Variants in CUBN observed in about 807,000 individuals in gnomAD.
CUBN encodes the protein cubilin.
In CUBN, 282 loss-of-function variants were observed where a neutral mutation model predicts 405.3. That is an observed-to-expected ratio of 0.70 (90% confidence interval 0.63 to 0.77). The LOEUF (loss-of-function observed/expected upper bound fraction) is 0.77. CUBN is among the 30% of genes least tolerant of loss of function. The pLI, the probability that CUBN is intolerant of heterozygous loss-of-function variation, is 0.00. For synonymous variants in CUBN, 1,684 were observed against 1,617.0 expected, an observed-to-expected ratio of 1.04 and a Z score of -0.99; for missense variants, 4,514 against 4,475.2, an observed-to-expected ratio of 1.01 and a Z score of -0.25.
intron 29 of CUBN, among the ~76,000 whole-genome samples, chr10:16,989,578 A>AATAT (rs201347937): frequency 6.2e-5 from 8 of 128,120 alleles, no homozygotes; most frequent in South Asian, 2.3e-4. Context: ...ATATATTTAA[A>AATAT]ATATATATAT....
chr10:17,052,268 T>C (rs539751580), intron 22 of CUBN, among the ~76,000 whole-genome samples: 2 of 152,312 alleles, frequency 1.3e-5, no homozygotes, highest in African/African-American at 4.8e-5. Flanking sequence ...GGAAGACTTG[T>C]ACTGTATGAA....
At chr10:17,069,914 T>C (rs1835700605) in intron 19 of CUBN, among the ~76,000 whole-genome samples, 1 of 152,310 alleles carries the variant, frequency 6.6e-6, no homozygotes, top group African/African-American at 2.4e-5. Flanking sequence ...TTTCTTTTTT[T>C]GTTTGTACTT....
intron 36 of CUBN, among the ~76,000 whole-genome samples, chr10:16,945,020 CTTG>C (rs1303306396): frequency 6.6e-6 from 1 of 152,126 alleles, no homozygotes; most frequent in East Asian, 1.9e-4. Context: ...TTTATAGAAA[CTTG>C]TTATTATTAT....
chr10:16,901,439 C>G lies in CUBN; in HGVS notation c.8083G>C (p.Gly2695Arg). 6.2e-7 allele frequency: 1 copy of G among 1,614,086 alleles called. No homozygotes were observed. ...SFTDCGGIQIGDSGVITSPNY... is the reference protein window; with the variant it reads ...SFTDCGGIQIRDSGVITSPNY... ...GGGCTTGTGATCACTCCACTGTCAC[C>G]TATCTGTATTCCGCCACAATCTGAA... Residue 2695 changes from glycine (G) to arginine (R), a missense_variant, in exon 52 of 67, where the codon GGT (glycine) becomes CGT (arginine). By Grantham distance (125) the Gly-to-Arg change is moderately radical. Coordinates refer to ENST00000377833, the MANE Select transcript of CUBN (RefSeq NM_001081.4).
At chr10:16,981,481 C>T (rs554470030) in intron 31 of CUBN, among the ~76,000 whole-genome samples, 133 of 152,312 alleles carry the variant, frequency 8.7e-4, no homozygotes, top group African/African-American at 3.2e-3. Flanking sequence ...CACCCTGACC[C>T]TCCACTGAGC....
At chr10:16,861,163 G>GT (rs1216747472) in intron 59 of CUBN, among the ~76,000 whole-genome samples, 402 of 149,728 alleles carry the variant, frequency 2.7e-3, no homozygotes, top group African/African-American at 9.7e-3. Context: ...CCCAATGAAT[G>GT]CCTTTTTTTT....
chr10:16,921,994 G>A (rs1027734602), intron 43 of CUBN, among the ~76,000 whole-genome samples: 8 of 152,102 alleles, frequency 5.3e-5, no homozygotes, highest in African/African-American at 1.9e-4. Flanking sequence ...GACAGCATCA[G>A]CCCCTCTTCC....
At chr10:16,861,627 G>C (rs1840016257) in intron 59 of CUBN, among the ~76,000 whole-genome samples, 2 of 152,002 alleles carry the variant, frequency 1.3e-5, no homozygotes, top group South Asian at 4.1e-4. Context: ...ACTCAGAGTG[G>C]ATAAGTAAAT....
At chr10:17,112,144 A>G (rs1180113760) in intron 8 of CUBN, among the ~76,000 whole-genome samples, 1 of 152,196 alleles carries the variant, frequency 6.6e-6, no homozygotes, top group African/African-American at 2.4e-5. Context: ...TCAAATTATT[A>G]AAATTATAAG....
intron 29 of CUBN, 119 bp downstream of exon 29, chr10:16,990,215 T>C (rs377170747): frequency 2.2e-5 from 22 of 991,722 alleles, no homozygotes; most frequent in African/African-American, 7.9e-5. Flanking sequence ...TGATGCTCAT[T>C]AAAATGTCTA....
At chr10:17,101,832 G>A (rs951069954) in intron 13 of CUBN, among the ~76,000 whole-genome samples, 12 of 152,078 alleles carry the variant, frequency 7.9e-5, no homozygotes, top group African/African-American at 2.7e-4. Context: ...ATGGCACTAG[G>A]CTCTGTTTCC....
chr10:16,842,277 G>T (rs1234531326), intron 60 of CUBN, among the ~76,000 whole-genome samples: 2 of 151,980 alleles, frequency 1.3e-5, no homozygotes, highest in African/African-American at 4.8e-5. Flanking sequence ...TATTTCATTG[G>T]CTTTCTCTCT....
chr10:16,917,183 A>T (rs1373206723), intron 45 of CUBN, among the ~76,000 whole-genome samples: 1 of 152,096 alleles, frequency 6.6e-6, no homozygotes, highest in East Asian at 1.9e-4. Flanking sequence ...TAATTATTTT[A>T]TATTTGATGA....
intron 63 of CUBN, among the ~76,000 whole-genome samples, chr10:16,835,588 T>C (rs1007060366): frequency 6.6e-6 from 1 of 150,870 alleles, no homozygotes; most frequent in Admixed American, 6.6e-5. Flanking sequence ...ATTGTTGAGT[T>C]ATTTGTGGCA....
At chr10:16,874,876 C>T (rs1162956910) in intron 57 of CUBN, among the ~76,000 whole-genome samples, 3 of 152,008 alleles carry the variant, frequency 2.0e-5, no homozygotes, top group Admixed American at 6.6e-5. Flanking sequence ...ACGGAAAAGG[C>T]GGCCAGAATG....
Position 16,933,111 on chromosome 10 carries a change from A to T in CUBN, c.6100T>A (p.Tyr2034Asn). The T allele has an allele frequency of 3.1e-6, 5 of 1,614,114 alleles. No individual in the cohort carries two copies. Among genetic ancestry groups the T allele is most frequent in the Non-Finnish European group, 4.2e-6 (5 of 1,180,002 alleles). Residue 2034 changes from tyrosine to asparagine, a missense_variant, in exon 40 of 67, where the codon TAT (tyrosine) becomes AAT (asparagine). Physicochemically the swap from Tyr to Asn is moderately radical, Grantham distance 143. Coordinates refer to ENST00000377833, the MANE Select transcript of CUBN (RefSeq NM_001081.4). ...LDIESHRTCA[Y>N]DSLVIRDGDN... ...CCATCTCGTATCACAAGGCTATCAT[A>T]GGCACACGTTCGGTGAGATTCAATG...
At chr10:17,115,749 C>T (rs1039770252) in intron 6 of CUBN, 152 bp from the exon 7 acceptor site, 27 of 927,078 alleles carry the variant, frequency 2.9e-5, no homozygotes, top group East Asian at 1.0e-4. Flanking sequence ...ACTGGAGTCT[C>T]GGGAGAAAAT....
intron 59 of CUBN, among the ~76,000 whole-genome samples, chr10:16,864,948 CTTTTTTTTTT>C (rs35045969): frequency 2.0e-5 from 1 of 50,024 alleles, no homozygotes; most frequent in Non-Finnish European, 3.4e-5. Context: ...CCATGCCCAG[CTTTTTTTTTT>C]TTTTTTTTTT....
At chr10:17,096,700 T>C (rs1043276612) in intron 14 of CUBN, among the ~76,000 whole-genome samples, 29 of 152,220 alleles carry the variant, frequency 1.9e-4, no homozygotes, top group Admixed American at 1.2e-3. Context: ...TTACAGAATA[T>C]ACATTCTTTC....
Sources: allele counts gnomAD v4.1 joint callset (sites outside exome capture counted in the v4.1 genomes callset), GRCh38; gene constraint gnomAD v4.1.1; transcripts MANE v1.5; gene names NCBI Gene and HGNC (gene_info 2026-07-23, HGNC 2026-07-21).